The following ABCC9 variants were observed in gnomAD, a reference collection of about 807,000 sequenced individuals.
ABCC9 encodes ATP-binding cassette sub-family C member 9.
ABCC9 carries 95 observed loss-of-function variants against 188.3 expected under a neutral mutation model. That is an observed-to-expected ratio of 0.50 (90% CI 0.43 to 0.60). The LOEUF is 0.60. Ranked by LOEUF, ABCC9 falls within the 20% of genes least tolerant of loss-of-function variation. The pLI is 0.00. For missense variants in ABCC9, 1,102 were observed against 1,876.3 expected (o/e 0.59, Z 7.62); for synonymous variants, 659 against 652.7 (o/e 1.01, Z -0.15).
At chr12:21,883,960 A>C (rs1176446709) in intron 15 of ABCC9, among the ~76,000 whole-genome samples, 1 of 152,214 alleles carries the variant, frequency 6.6e-6, no homozygotes, top group Non-Finnish European at 1.5e-5. Context: ...ACAGAGATAA[A>C]TGGCTAAAGA....
In ABCC9 at chr12:21,845,878, A is replaced by C; in HGVS notation, c.2867-46T>G. 3 of 1,371,198 alleles carry C rather than the reference A, an allele frequency of 2.2e-6. No homozygotes were observed. In the South Asian group the frequency reaches 3.6e-5, roughly 16 times the overall value. 84.9% of individuals were successfully genotyped at this position (1,371,198 alleles called of 1,614,324 possible). A position where few individuals can be genotyped will look rare whatever the true frequency, so the allele number is the denominator to read the frequency against. ...TTTAAGCTTCAGATGGGCACCGGCTAGATATAATTTTTATTGCTCCACAAA... is the reference window on the plus strand; with the variant it reads ...TTTAAGCTTCAGATGGGCACCGGCTCGATATAATTTTTATTGCTCCACAAA... On this transcript the variant is annotated intron_variant, in intron 25 of 39. Transcript: ENST00000261200.
chr12:21,901,044 C>T (rs142261056), intron 12 of ABCC9, among the ~76,000 whole-genome samples: 3,379 of 152,222 alleles, frequency 0.022, 75 homozygotes, highest in Non-Finnish European at 0.031. Flanking sequence ...ATGTTAAGGG[C>T]AGCCAGAGAG....
Position 21,933,863 on chromosome 12 carries a change from C to T in ABCC9, c.203G>A (p.Gly68Glu), listed in dbSNP as rs760934600. ...TGTAAGAATCCATCTCAGGTTATGT[C>T]CCGGAAAATGAAGCCATGTGTTGTG... Reference protein sequence around the residue: ...IHHNTWLHFPGHNLRWILTFA... With the variant: ...IHHNTWLHFPEHNLRWILTFA... Residue 68 changes from glycine to glutamate, a missense_variant, in exon 4 of 40, where the codon GGA (glycine) becomes GAA (glutamate). By Grantham distance (98) the Gly-to-Glu change is moderately conservative (BLOSUM62 -2). Around this residue, in one of 12 missense-constraint regions of ABCC9, gnomAD observed 305 missense variants for 573.0 expected, o/e 0.53. Transcript: ENST00000261200. 1 of 1,613,664 alleles carries T rather than the reference C, an allele frequency of 6.2e-7. No homozygotes were observed. The highest frequency in any genetic ancestry group is 1.7e-5 in the Admixed American group (1 of 60,000).
At chr12:21,906,411 AG>A in intron 11 of ABCC9, 123 bp from the exon 12 acceptor site, 13 of 967,502 alleles carry the variant, frequency 1.3e-5, no homozygotes, top group Non-Finnish European at 2.0e-5. Flanking sequence ...CTCACTAATT[AG>A]GTTGTGAAGT....
Position 21,926,010 on chromosome 12 carries a change from A to G in ABCC9, c.338T>C (p.Val113Ala), listed in dbSNP as rs1359197656. Reference protein sequence around the residue: ...HLFMPAVMGFVATTTSIVYYH... With the variant: ...HLFMPAVMGFAATTTSIVYYH... ...ATACACTATCGATGTTGTAGTGGCA[A>G]CGAATCCCATCACGGCTGGCATAAA... Residue 113 changes from valine to alanine, a missense_variant, in exon 5 of 40, where the codon GTT (valine) becomes GCT (alanine). Val to Ala is a moderately conservative substitution (Grantham distance 64, BLOSUM62 0). Transcript: ENST00000261200. The G allele has an allele frequency of 6.2e-7, 1 of 1,614,190 alleles. No homozygotes were observed. Among genetic ancestry groups the G allele is most frequent in the Admixed American group, 1.7e-5 (1 of 60,028 alleles).
chr12:21,919,189 T>C (rs1948713260), intron 5 of ABCC9, among the ~76,000 whole-genome samples: 1 of 150,380 alleles, frequency 6.6e-6, no homozygotes, highest in Non-Finnish European at 1.5e-5. Context: ...TAGAGATGAG[T>C]AGAAAGCAAT....
chr12:21,845,406 A>G (rs1297780917), intron 26 of ABCC9, among the ~76,000 whole-genome samples, 197 bp downstream of exon 26: 1 of 152,106 alleles, frequency 6.6e-6, no homozygotes. Context: ...TAAACTTTAA[A>G]AGTATTAATA....
chr12:21,852,338 A>C, intron 23 of ABCC9, 30 bp downstream of exon 23: 1 of 1,613,654 alleles, frequency 6.2e-7, no homozygotes, highest in East Asian at 2.2e-5. Context: ...ATAATATAAA[A>C]ATGAGCAAAA....
intron 22 of ABCC9, among the ~76,000 whole-genome samples, chr12:21,853,343 A>C (rs541549056): frequency 6.6e-6 from 1 of 152,284 alleles, no homozygotes; most frequent in Non-Finnish European, 1.5e-5. Context: ...GAAAGAAAAA[A>C]GAAAATGTTA....
At chr12:21,916,869 G>T in intron 6 of ABCC9, 68 bp downstream of exon 6, 1 of 1,410,956 alleles carries the variant, frequency 7.1e-7, no homozygotes, top group Non-Finnish European at 9.6e-7. Flanking sequence ...ATGATTTCTA[G>T]CTAACTGTAA....
At chr12:21,896,243 T>C (rs1048503718) in intron 12 of ABCC9, among the ~76,000 whole-genome samples, 3 of 152,100 alleles carry the variant, frequency 2.0e-5, no homozygotes, top group Non-Finnish European at 4.4e-5. Context: ...TTAAAAATCA[T>C]CTGCTCTCAG....
At chr12:21,925,657 C>G (rs575056180) in intron 5 of ABCC9, 10 of 636,516 alleles carry the variant, frequency 1.6e-5, no homozygotes, top group Non-Finnish European at 2.5e-5. Flanking sequence ...AGAAGGCCAG[C>G]CATATTTCCT....
At chr12:21,907,928 A>G (rs1421311673) in intron 11 of ABCC9, 149 bp downstream of exon 11, 3 of 960,012 alleles carry the variant, frequency 3.1e-6, no homozygotes, top group East Asian at 5.4e-5. Context: ...TTTTTGCAAC[A>G]TGGAAAATAC....
chr12:21,826,118 A>G (rs1429995433), intron 31 of ABCC9, among the ~76,000 whole-genome samples: 1 of 152,162 alleles, frequency 6.6e-6, no homozygotes, highest in East Asian at 1.9e-4. Flanking sequence ...TTTTGGTTGC[A>G]TTCCTGCTCT....
chr12:21,912,257 T>G (rs1948358377), intron 8 of ABCC9, among the ~76,000 whole-genome samples: 1 of 151,938 alleles, frequency 6.6e-6, no homozygotes, highest in South Asian at 2.1e-4. Context: ...AATCAATACT[T>G]AGAAAGAAAG....
At chr12:21,859,696 T>G in intron 21 of ABCC9, 30 bp from the exon 22 acceptor site, 1 of 1,567,092 alleles carries the variant, frequency 6.4e-7, no homozygotes, top group Non-Finnish European at 8.8e-7. Context: ...AAATACCCAT[T>G]TTTTAATATT....
intron 16 of ABCC9, among the ~76,000 whole-genome samples, chr12:21,879,358 A>C (rs12304313): frequency 0.34 from 52,070 of 152,054 alleles, 9,139 homozygotes; most frequent in Admixed American, 0.38. Context: ...CAGGAGCCAG[A>C]TAGACACAAA....
chr12:21,811,977 CT>C, intron 36 of ABCC9, 71 bp downstream of exon 36: 1 of 1,092,912 alleles, frequency 9.1e-7, no homozygotes, highest in Non-Finnish European at 1.4e-6. Flanking sequence ...AAAAATGACT[CT>C]GAGTAAAACC....
chr12:21,863,923 A>G (rs1945653339), intron 19 of ABCC9, among the ~76,000 whole-genome samples: 2 of 152,138 alleles, frequency 1.3e-5, no homozygotes, highest in African/African-American at 4.8e-5. Context: ...ACATGATACT[A>G]TATAGTATGC....
Sources: gnomAD v4.1 joint callset for allele counts (sites outside exome capture counted in the v4.1 genomes callset) on GRCh38, gnomAD v4.1.1 for gene constraint, gnomAD v4.1.1 regional missense constraint, MANE v1.5 for transcripts, NCBI Gene and HGNC (gene_info 2026-07-23, HGNC 2026-07-21) for gene names.